TTC24: variants seen among roughly 807,000 people sequenced by gnomAD.
TTC24 encodes the protein tetratricopeptide repeat protein 24.
A neutral mutation model predicts 63.3 loss-of-function variants in TTC24; 54 were observed. That is an observed-to-expected ratio of 0.85 (90% CI 0.69 to 1.07). TTC24 has a LOEUF of 1.07. TTC24 is among the 50% of genes least tolerant of loss of function. The pLI is 0.00. For synonymous variants in TTC24, 276 were observed against 304.3 expected, an observed-to-expected ratio of 0.91 and a Z score of 0.97; for missense variants, 680 against 730.5, an observed-to-expected ratio of 0.93 and a Z score of 0.80.
chr1:156,587,280 T>C lies in TTC24; in HGVS notation c.*730T>C, dbSNP rs1438587815. On this transcript the variant is annotated 3_prime_UTR_variant, in exon 11 of 11. Coordinates refer to ENST00000368236, the MANE Select transcript of TTC24 (RefSeq NM_001105669.4). ...ATTCTCCTCTAATCCTCACAACAAA[T>C]ATATGAGGTGCTATTATCCCCTTTC... Among the ~76,000 whole-genome samples the C allele has an allele frequency of 6.6e-6, 1 of 151,568 alleles. No individual in the cohort carries two copies. The highest frequency in any genetic ancestry group is 1.9e-4 in the East Asian group (1 of 5,158).
rs1366432429 is a variant in TTC24 at position 156,586,418 on chromosome 1, T to G, written c.1668-51T>G. 7.3e-6 allele frequency: 11 copies of G among 1,515,854 alleles called. No homozygotes were observed. The African/African-American group carries it at 1.7e-4, about 23-fold the overall frequency. The allele number at this position is 1,515,854 out of a possible 1,614,324, so 93.9% of individuals were successfully genotyped here. On this transcript the variant is annotated intron_variant, in intron 10 of 10. Transcript: ENST00000368236. ...GCTGAGGCCAAGGCAGGCTGCCTCC[T>G]GCTGTCTCCCCAGTCACCCCCACTG... is the stretch of plus-strand genomic sequence containing the variant.
At position 156,583,234 on chromosome 1, in the gene TTC24, CG is replaced by C; in HGVS notation, c.1039+68del. ...GGAGGCTGAGGGTCCTAGGGGCTGG[CG>C]GGGAGGCAGATGGGGGGAACTGAGG... On this transcript the variant is annotated intron_variant, in intron 4 of 10. Transcript: ENST00000368236. The surrounding 1 kb of genome is among the most constrained non-coding windows in gnomAD (Gnocchi z 4.0). 6.7e-7 allele frequency: 1 copy of C among 1,484,572 alleles called. No individual in the cohort carries two copies. Among genetic ancestry groups the C allele is most frequent in the African/African-American group, 1.7e-5 (1 of 60,404 alleles). 92.0% of individuals were successfully genotyped at this position (1,484,572 alleles called of 1,614,324 possible).
At chr1:156,582,171 G>A (rs1677017520) in intron 2 of TTC24, 60 bp from the exon 3 acceptor site, 2 of 1,494,728 alleles carry the variant, frequency 1.3e-6, no homozygotes, top group Non-Finnish European at 1.8e-6. Flanking sequence ...GTCGATAGGG[G>A]CTGTACCAGC....
rs1340385059 is a variant in TTC24 at position 156,583,047 on chromosome 1, G to T, written c.916G>T (p.Val306Leu). The change falls in exon 4 of 11, where the codon GTG becomes TTG. Residue 306 changes from valine to leucine, a missense_variant. Val to Leu is a conservative substitution (Grantham distance 32). Transcript: ENST00000368236. The surrounding 1 kb of genome is among the most constrained non-coding windows in gnomAD (Gnocchi z 4.0). Reference protein sequence around the residue: ...HQKAADLHGSVGQRWEQGRSF... With the variant: ...HQKAADLHGSLGQRWEQGRSF... The stretch of plus-strand genomic sequence containing the variant: ...GGGGTGGGCTCTGTCCTCAGGCTCT[G>T]TGGGGCAGCGGTGGGAGCAGGGCCG... 1 of 1,612,074 alleles carries T rather than the reference G, an allele frequency of 6.2e-7. No homozygotes were observed. Among genetic ancestry groups the T allele is most frequent in the Non-Finnish European group, 8.5e-7 (1 of 1,178,942 alleles).
chr1:156,585,921 A>T lies in TTC24; in HGVS notation c.1571-28A>T. ...AGTTCTTGGTGCAGAGAGGCACGTG[A>T]TGAATGTGTCTGTCCTTCTCCATCT... is the stretch of plus-strand genomic sequence containing the variant. On this transcript the variant is annotated intron_variant, in intron 9 of 10. Transcript: ENST00000368236. The T allele has an allele frequency of 2.5e-6, 4 of 1,600,212 alleles. No homozygotes were observed. In the South Asian group the frequency reaches 4.4e-5, roughly 18 times the overall value.
chr1:156,584,876 G>A lies in TTC24; in HGVS notation c.1252-1G>A. 1 of 1,563,038 alleles carries A rather than the reference G, an allele frequency of 6.4e-7. No individual in the cohort carries two copies. The highest frequency in any genetic ancestry group is 8.6e-7 in the Non-Finnish European group (1 of 1,156,266). ...TTCCCTTTACTCCACTTCATTCCCA[G>A]ACTTCGGCTCCGGGAAGACTCCAGG... On this transcript the variant is annotated splice_acceptor_variant, in intron 6 of 10. Coordinates refer to ENST00000368236, the MANE Select transcript of TTC24 (RefSeq NM_001105669.4). LOFTEE classifies it high-confidence loss of function.
chr1:156,583,175 G>A lies in TTC24; in HGVS notation c.1039+5G>A. The A allele has an allele frequency of 1.2e-6, 2 of 1,611,710 alleles. No homozygotes were observed. Among genetic ancestry groups the A allele is most frequent in the Non-Finnish European group, 1.7e-6 (2 of 1,178,726 alleles). ...TGCAGGCTGCCCGGGACTCTGGTAA[G>A]CGTGAGAGGGTTGGGATGTGACTGG... is the stretch of plus-strand genomic sequence containing the variant. On this transcript the variant is annotated splice_donor_5th_base_variant and intron_variant, in intron 4 of 10. Transcript: ENST00000368236. The surrounding 1 kb of genome is among the most constrained non-coding windows in gnomAD (Gnocchi z 4.0).
chr1:156,586,427 C>T lies in TTC24; in HGVS notation c.1668-42C>T, dbSNP rs368963681. 3.8e-5 allele frequency: 60 copies of T among 1,561,814 alleles called. No homozygotes were observed. The East Asian group carries it at 1.2e-3, about 32-fold the overall frequency. ...AAGGCAGGCTGCCTCCTGCTGTCTCCCCAGTCACCCCCACTGGCAAGCCCC... is the reference window on the plus strand; with the variant it reads ...AAGGCAGGCTGCCTCCTGCTGTCTCTCCAGTCACCCCCACTGGCAAGCCCC... On this transcript the variant is annotated intron_variant, in intron 10 of 10. Transcript: ENST00000368236.
In TTC24 at chr1:156,583,530, T is replaced by A; in HGVS notation, c.1152+80T>A. ...ACATTCCTGCCTTCACTCCTTGTCT[T>A]CTCCCCATCACTCACTCAATCAGCA... On this transcript the variant is annotated intron_variant, in intron 5 of 10. Coordinates refer to ENST00000368236, the MANE Select transcript of TTC24 (RefSeq NM_001105669.4). This position sits in a 1 kb window ranked among gnomAD's most constrained non-coding sequence, Gnocchi z 4.0. 8.4e-7 allele frequency: 1 copy of A among 1,191,362 alleles called. No homozygotes were observed. The highest frequency in any genetic ancestry group is 1.5e-5 in the South Asian group (1 of 68,040). The allele number at this position is 1,191,362 out of a possible 1,614,324, so 73.8% of individuals were successfully genotyped here. A position where few individuals can be genotyped will look rare whatever the true frequency, so the allele number is the denominator to read the frequency against.
intron 2 of TTC24, 23 bp downstream of exon 2, chr1:156,582,093 G>A (rs1370367807): frequency 1.4e-6 from 2 of 1,464,176 alleles, no homozygotes; most frequent in Non-Finnish European, 1.8e-6. Context: ...GGCAGGGAAG[G>A]CATGGGATCT....
intron 10 of TTC24, 49 bp from the exon 11 acceptor site, chr1:156,586,420 C>T: frequency 6.6e-7 from 1 of 1,520,142 alleles, no homozygotes; most frequent in Non-Finnish European, 8.9e-7. Context: ...CTGCCTCCTG[C>T]TGTCTCCCCA....
At chr1:156,582,903 G>T in intron 3 of TTC24, 139 bp from the exon 4 acceptor site, 1 of 1,084,374 alleles carries the variant, frequency 9.2e-7, no homozygotes, top group African/African-American at 1.6e-5. Flanking sequence ...GGAGGGTTCA[G>T]GCCTCTCGGA....
Position 156,586,459 on chromosome 1 carries a change from C to T in TTC24, c.1668-10C>T, listed in dbSNP as rs747460358. Reference sequence around the variant, plus strand: ...ACCCCCACTGGCAAGCCCCTCCCTGCCTCTTTCAGGTCATCCAGGTGGCCC... The same window carrying T: ...ACCCCCACTGGCAAGCCCCTCCCTGTCTCTTTCAGGTCATCCAGGTGGCCC... On this transcript the variant is annotated splice_polypyrimidine_tract_variant and intron_variant, in intron 10 of 10. Transcript: ENST00000368236. The T allele has an allele frequency of 1.9e-6, 3 of 1,612,266 alleles. No individual in the cohort carries two copies. The South Asian group carries it at 3.3e-5, about 18-fold the overall frequency.
chr1:156,582,401 C>T lies in TTC24; in HGVS notation c.877C>T (p.Arg293Trp), dbSNP rs1207034073. ...TGCCCTCGGCAACTATCAGGAAGCT[C>T]GGGAGTTTCACCAGAAGGCTGCTGA... ...HNALGNYQEA[R>W]EFHQKAADLH... Residue 293 changes from arginine (R) to tryptophan (W), a missense_variant, in exon 3 of 11, where the codon CGG (arginine) becomes TGG (tryptophan). By Grantham distance (101) the Arg-to-Trp change is moderately radical (BLOSUM62 -3). Transcript: ENST00000368236. The T allele has an allele frequency of 5.6e-6, 9 of 1,613,816 alleles. No individual in the cohort carries two copies. Among genetic ancestry groups the T allele is most frequent in the South Asian group, 5.5e-5 (5 of 91,040 alleles).
In TTC24 at chr1:156,586,039, C is replaced by G. The variant is rs1342989049; in HGVS notation, c.1661C>G (p.Ala554Gly). 3.2e-6 allele frequency: 5 copies of G among 1,569,736 alleles called. No homozygotes were observed. The highest frequency in any genetic ancestry group is 4.3e-6 in the Non-Finnish European group (5 of 1,156,336). The change falls in exon 10 of 11, where the codon GCC becomes GGC. Residue 554 changes from alanine to glycine, a missense_variant. By Grantham distance (60) the Ala-to-Gly change is moderately conservative. Transcript: ENST00000368236. ...ATCTTGGTACCCAATGGCCCTCAAG[C>G]CAATAGGTGGGTCCTTGGGGGAAAG... ...PSILVPNGPQ[A>G]NRSSRWPRES...
chr1:156,583,994 G>A lies in TTC24; in HGVS notation c.1251+99G>A, dbSNP rs1677081199. 9 of 984,448 alleles carry A rather than the reference G, an allele frequency of 9.1e-6. No individual in the cohort carries two copies. The South Asian group carries it at 1.3e-4, about 14-fold the overall frequency. 61.0% of individuals were successfully genotyped at this position (984,448 alleles called of 1,614,324 possible). A position where few individuals can be genotyped will look rare whatever the true frequency, so the allele number is the denominator to read the frequency against. On this transcript the variant is annotated intron_variant, in intron 6 of 10. Coordinates refer to ENST00000368236, the MANE Select transcript of TTC24 (RefSeq NM_001105669.4). The surrounding 1 kb of genome is among the most constrained non-coding windows in gnomAD (Gnocchi z 4.0). ...GACGCTGTTCCCTGGGATGCTGCGCGCTTGGCCGCTCATCTGTGTTCATCC... is the reference window on the plus strand; with the variant it reads ...GACGCTGTTCCCTGGGATGCTGCGCACTTGGCCGCTCATCTGTGTTCATCC...
At chr1:156,585,874 C>T (rs1276944883) in intron 9 of TTC24, 48 bp downstream of exon 9, 5 of 1,595,200 alleles carry the variant, frequency 3.1e-6, no homozygotes, top group Non-Finnish European at 4.3e-6. Context: ...GTTCTTCTCT[C>T]AGAGCTTTTT....
At position 156,583,278 on chromosome 1, in the gene TTC24, G is replaced by C. The variant is rs569511298; in HGVS notation, c.1040-60G>C. 5.5e-5 allele frequency: 89 copies of C among 1,607,894 alleles called. No homozygotes were observed. In the South Asian group the frequency reaches 9.3e-4, roughly 17 times the overall value. On this transcript the variant is annotated intron_variant, in intron 4 of 10. Transcript: ENST00000368236. The surrounding 1 kb of genome is among the most constrained non-coding windows in gnomAD (Gnocchi z 4.0). The stretch of plus-strand genomic sequence containing the variant: ...AACTGAGGGTAGGGAGTGCCTCTGA[G>C]GGGGTGGATCAGTGGGGTAGGAAGT...
At chr1:156,582,531 C>G in intron 3 of TTC24, 97 bp downstream of exon 3, 1 of 1,099,038 alleles carries the variant, frequency 9.1e-7, no homozygotes, top group East Asian at 2.5e-5. Flanking sequence ...CCCTTTGGGA[C>G]CACTTATGGA....
Sources: allele counts gnomAD v4.1 joint callset (sites outside exome capture counted in the v4.1 genomes callset), GRCh38; gene constraint gnomAD v4.1.1; non-coding constraint Gnocchi (gnomAD v3.1); transcripts MANE v1.5; gene names NCBI Gene and HGNC (gene_info 2026-07-23, HGNC 2026-07-21).